SEZ6L: variants seen among roughly 807,000 people sequenced by gnomAD.
The protein encoded by SEZ6L is seizure 6-like protein.
In SEZ6L, 37 loss-of-function variants were observed where a neutral mutation model predicts 106.2. That is an observed-to-expected ratio of 0.35 (90% CI 0.27 to 0.46). The LOEUF is 0.46. SEZ6L is among the 20% of genes least tolerant of loss of function. The pLI, the probability that SEZ6L is intolerant of heterozygous loss-of-function variation, is 1.00. For synonymous variants in SEZ6L, 541 were observed against 570.4 expected (o/e 0.95, Z 0.73); for missense variants, 1,172 against 1,332.8 (o/e 0.88, Z 1.88).
chr22:26,237,213 G>A (rs184530360), intron 1 of SEZ6L, among the ~76,000 whole-genome samples: 6 of 152,296 alleles, frequency 3.9e-5, no homozygotes, highest in African/African-American at 7.2e-5. Context: ...GAACTATTAC[G>A]TAAAGCTTCT....
At chr22:26,368,964 C>A (rs1422044039) in intron 13 of SEZ6L, among the ~76,000 whole-genome samples, 1 of 152,118 alleles carries the variant, frequency 6.6e-6, no homozygotes, top group African/African-American at 2.4e-5. Flanking sequence ...TAAGAAAGAC[C>A]CCCAACCAGC....
Position 26,375,597 on chromosome 22 carries a change from G to A in SEZ6L, c.2850G>A (p.Thr950=), listed in dbSNP as rs146602479. 545 of 1,614,112 alleles carry A rather than the reference G, an allele frequency of 3.4e-4. 1 individual carries two copies. The African/African-American group carries it at 6.4e-3, about 19-fold the overall frequency. The change falls in exon 15 of 17, where the codon ACG becomes ACA. Residue 950 remains threonine, a synonymous_variant. Coordinates refer to ENST00000248933, the MANE Select transcript of SEZ6L (RefSeq NM_021115.5). The stretch of plus-strand genomic sequence containing the variant: ...CAGTAGCAGAAGCGGCAGCAGAGAC[G>A]TCGCTGGAAGGGGGGAACATGGCCC... ...ALEVAEAAAE[T]SLEGGNMALA... is the part of the protein sequence containing the mutation.
At chr22:26,329,367 C>G (rs1184743705) in intron 9 of SEZ6L, among the ~76,000 whole-genome samples, 1 of 152,032 alleles carries the variant, frequency 6.6e-6, no homozygotes, top group Admixed American at 6.5e-5. Context: ...ACTCTGGAGG[C>G]TAAGGCAGGA....
chr22:26,268,955 C>T (rs1227014971), intron 1 of SEZ6L, among the ~76,000 whole-genome samples: 3 of 152,196 alleles, frequency 2.0e-5, no homozygotes, highest in Admixed American at 2.0e-4. Flanking sequence ...TCTCTCTGAG[C>T]CTCAATTCTT....
rs1384775850 is a variant in SEZ6L, at chr22:26,292,449, C to T, written c.138C>T (p.Leu46=). The change falls in exon 2 of 17, where the codon CTC becomes CTT. Residue 46 remains leucine (L), a synonymous_variant. Transcript: ENST00000248933. ...EGDASPLGPY[L]LPSGAPERGS... ...ATGCTAGCCCTTTGGGTCCTTACCT[C>T]CTGCCCTCAGGAGCCCCGGAGAGAG... 5 of 1,613,938 alleles carry T rather than the reference C, an allele frequency of 3.1e-6. No individual in the cohort carries two copies. In the South Asian group the frequency reaches 5.5e-5, roughly 18 times the overall value.
intron 1 of SEZ6L, among the ~76,000 whole-genome samples, chr22:26,210,790 T>G (rs1771344106): frequency 6.6e-6 from 1 of 152,256 alleles, no homozygotes; most frequent in Non-Finnish European, 1.5e-5. Flanking sequence ...ACATGCATTT[T>G]CGGGTTTGGC....
At chr22:26,371,304 G>C (rs73158668) in intron 13 of SEZ6L, among the ~76,000 whole-genome samples, 78 of 152,304 alleles carry the variant, frequency 5.1e-4, no homozygotes, top group Non-Finnish European at 1.0e-3. Context: ...AAGATCTATG[G>C]ATATCGAGTT....
chr22:26,337,055 C>G (rs930496188), intron 9 of SEZ6L, among the ~76,000 whole-genome samples: 1 of 152,012 alleles, frequency 6.6e-6, no homozygotes, highest in Admixed American at 6.6e-5. Flanking sequence ...AATGCTGAAG[C>G]TGGAATTTGA....
intron 12 of SEZ6L, among the ~76,000 whole-genome samples, chr22:26,351,894 C>T (rs2083293977): frequency 6.6e-6 from 1 of 151,602 alleles, no homozygotes; most frequent in Non-Finnish European, 1.5e-5. Context: ...TGTGGTGGCT[C>T]ACACCTGTAA....
chr22:26,372,734 C>A (rs1237888914), intron 13 of SEZ6L, among the ~76,000 whole-genome samples: 5 of 152,042 alleles, frequency 3.3e-5, no homozygotes, highest in African/African-American at 1.2e-4. Flanking sequence ...GGGTGCCAGT[C>A]CCCATGATGT....
intron 13 of SEZ6L, among the ~76,000 whole-genome samples, chr22:26,368,548 T>C (rs2083896397): frequency 1.3e-5 from 2 of 152,100 alleles, no homozygotes; most frequent in African/African-American, 4.8e-5. Context: ...CTAGAATAGG[T>C]AAATCCATAG....
chr22:26,296,132 G>T (rs190180779), intron 3 of SEZ6L, among the ~76,000 whole-genome samples: 1 of 152,074 alleles, frequency 6.6e-6, no homozygotes, highest in Non-Finnish European at 1.5e-5. Flanking sequence ...ACACACACAC[G>T]CGCACATACC....
chr22:26,246,716 T>C (rs2079361896), intron 1 of SEZ6L, among the ~76,000 whole-genome samples: 1 of 152,236 alleles, frequency 6.6e-6, no homozygotes. Context: ...ATTTGTTGAG[T>C]ACGTAGCACT....
Position 26,351,071 on chromosome 22 carries a change from C to G in SEZ6L, c.2427C>G (p.Pro809=), listed in dbSNP as rs374698416. ...GTGTAGTTATGTACTGCACCGACCC[C>G]GGAGAGGTGGATCACTCGACCCGCT... ...FCEKIMYCTD[P]GEVDHSTRLI... The change falls in exon 12 of 17, where the codon CCC becomes CCG. Residue 809 remains proline (P), a synonymous_variant. Coordinates refer to ENST00000248933, the MANE Select transcript of SEZ6L (RefSeq NM_021115.5). 9 of 1,613,998 alleles carry G rather than the reference C, an allele frequency of 5.6e-6. No homozygotes were observed. In the South Asian group the frequency reaches 6.6e-5, roughly 12 times the overall value.
At chr22:26,348,586 GAGAAAGAA>G (rs372770820) in intron 11 of SEZ6L, among the ~76,000 whole-genome samples, 1 of 57,866 alleles carries the variant, frequency 1.7e-5, no homozygotes, top group Non-Finnish European at 2.8e-5. Flanking sequence ...AAGAAAGAAA[GAGAAAGAA>G]AGAAAGAAAG....
intron 1 of SEZ6L, chr22:26,244,744 T>TC (rs2079270036): frequency 6.7e-6 from 1 of 149,816 alleles, no homozygotes; most frequent in Admixed American, 6.6e-5. Flanking sequence ...CTTTTATATT[T>TC]TTCCCCCTTC....
chr22:26,367,601 C>T (rs192539972), intron 13 of SEZ6L, among the ~76,000 whole-genome samples: 83 of 152,270 alleles, frequency 5.5e-4, no homozygotes, highest in African/African-American at 1.9e-3. Context: ...ACCTCGGCCT[C>T]CCAAAGTGCT....
intron 10 of SEZ6L, among the ~76,000 whole-genome samples, chr22:26,344,998 C>A (rs1290414490): frequency 6.6e-6 from 1 of 152,214 alleles, no homozygotes; most frequent in Non-Finnish European, 1.5e-5. Flanking sequence ...GGGAACAGAC[C>A]ATTCCAGAGC....
At chr22:26,315,918 G>A (rs891114767) in intron 9 of SEZ6L, among the ~76,000 whole-genome samples, 4 of 151,930 alleles carry the variant, frequency 2.6e-5, no homozygotes, top group African/African-American at 9.7e-5. Flanking sequence ...AACTAGCCAG[G>A]CATGGTGGCA....
Sources: allele counts gnomAD v4.1 joint callset (sites outside exome capture counted in the v4.1 genomes callset), GRCh38; gene constraint gnomAD v4.1.1; transcripts MANE v1.5; gene names NCBI Gene and HGNC (gene_info 2026-07-23, HGNC 2026-07-21).